The following PPP1R12A variants were observed in gnomAD, a reference collection of about 807,000 sequenced individuals.
PPP1R12A encodes the protein myosin binding subunit.
In PPP1R12A, 19 loss-of-function variants were observed where a neutral mutation model predicts 139.6. The ratio of observed to expected loss-of-function variants is 0.14; its 90% CI spans 0.09 to 0.20. The LOEUF is 0.20. Ranked by LOEUF, PPP1R12A falls within the 10% of genes least tolerant of loss-of-function variation. PPP1R12A has a pLI of 1.00. For synonymous variants in PPP1R12A, 427 were observed against 420.6 expected, an observed-to-expected ratio of 1.02 and a Z score of -0.19; for missense variants, 925 against 1,211.5, an observed-to-expected ratio of 0.76 and a Z score of 3.51.
intron 14 of PPP1R12A, among the ~76,000 whole-genome samples, chr12:79,804,311 T>C (rs1331885878): frequency 6.6e-6 from 1 of 152,004 alleles, no homozygotes; most frequent in Non-Finnish European, 1.5e-5. Context: ...CTTAAGTTTA[T>C]AGGAAAAAGG....
intron 1 of PPP1R12A, among the ~76,000 whole-genome samples, chr12:79,909,096 G>A (rs372655820): frequency 5.3e-4 from 81 of 152,290 alleles, no homozygotes; most frequent in African/African-American, 1.8e-3. Flanking sequence ...ATGGCATAGC[G>A]TTTGTGAGAA....
intron 2 of PPP1R12A, among the ~76,000 whole-genome samples, chr12:79,854,566 A>C (rs1484053578): frequency 6.6e-6 from 1 of 152,218 alleles, no homozygotes; most frequent in Non-Finnish European, 1.5e-5. Context: ...TAAAATGCAC[A>C]TTTGAAAAGT....
At chr12:79,896,493 A>C (rs1300462551) in intron 1 of PPP1R12A, among the ~76,000 whole-genome samples, 1 of 151,382 alleles carries the variant, frequency 6.6e-6, no homozygotes, top group Non-Finnish European at 1.5e-5. Flanking sequence ...CACCTTTCCC[A>C]GCTGATTTTT....
intron 1 of PPP1R12A, among the ~76,000 whole-genome samples, chr12:79,903,095 C>A (rs973572399): frequency 6.6e-6 from 1 of 152,034 alleles, no homozygotes; most frequent in Non-Finnish European, 1.5e-5. Context: ...ACTGAAATAG[C>A]GACACCTTTG....
chr12:79,896,389 A>G (rs1885134472), intron 1 of PPP1R12A, among the ~76,000 whole-genome samples: 1 of 152,156 alleles, frequency 6.6e-6, no homozygotes, highest in South Asian at 2.1e-4. Context: ...GCTGGAGTGC[A>G]GTGGCTCGAA....
chr12:79,809,286 G>A (rs1477129700), intron 10 of PPP1R12A, among the ~76,000 whole-genome samples: 1 of 152,036 alleles, frequency 6.6e-6, no homozygotes, highest in Non-Finnish European at 1.5e-5. Context: ...TACTAGTATT[G>A]AATAAACTGT....
At chr12:79,792,186 G>A (rs575600100) in intron 19 of PPP1R12A, among the ~76,000 whole-genome samples, 1 of 152,164 alleles carries the variant, frequency 6.6e-6, no homozygotes, top group South Asian at 2.1e-4. Context: ...ATTGATCTAT[G>A]CACATACATT....
At chr12:79,899,191 T>C (rs1028996872) in intron 1 of PPP1R12A, among the ~76,000 whole-genome samples, 2 of 149,956 alleles carry the variant, frequency 1.3e-5, no homozygotes, top group African/African-American at 2.4e-5. Flanking sequence ...TCATTTTCTT[T>C]TGATGCAAAA....
chr12:79,869,568 C>T (rs1452095078), intron 2 of PPP1R12A, among the ~76,000 whole-genome samples: 1 of 152,080 alleles, frequency 6.6e-6, no homozygotes, highest in East Asian at 1.9e-4. Context: ...GTAGAAGCTG[C>T]TCAAGTAATG....
At chr12:79,829,916 A>T (rs941612821) in intron 4 of PPP1R12A, among the ~76,000 whole-genome samples, 2 of 152,160 alleles carry the variant, frequency 1.3e-5, no homozygotes, top group Non-Finnish European at 2.9e-5. Flanking sequence ...CCAACTCTCA[A>T]GCATAGGTTC....
chr12:79,889,155 T>A (rs564806935), intron 1 of PPP1R12A, among the ~76,000 whole-genome samples: 2 of 152,350 alleles, frequency 1.3e-5, no homozygotes, highest in Non-Finnish European at 2.9e-5. Flanking sequence ...CTCTGACCAA[T>A]GTGATATATT....
chr12:79,916,916 T>TG (rs1887039756), intron 1 of PPP1R12A, among the ~76,000 whole-genome samples: 1 of 152,026 alleles, frequency 6.6e-6, no homozygotes, highest in Non-Finnish European at 1.5e-5. Flanking sequence ...TTTTTTTTTC[T>TG]GCTTGTTGTA....
At chr12:79,848,798 A>G (rs933645849) in intron 2 of PPP1R12A, 1 of 152,166 alleles carries the variant, frequency 6.6e-6, no homozygotes, top group African/African-American at 2.4e-5. Context: ...GGACTGATTA[A>G]TCCTATGGTG....
chr12:79,877,618 C>T (rs968661671), intron 1 of PPP1R12A, among the ~76,000 whole-genome samples: 2 of 152,158 alleles, frequency 1.3e-5, no homozygotes, highest in Non-Finnish European at 2.9e-5. Flanking sequence ...CGGGTTCAAC[C>T]GATCCTCTTG....
chr12:79,807,993 G>A (rs751815008), intron 11 of PPP1R12A, among the ~76,000 whole-genome samples: 2 of 151,434 alleles, frequency 1.3e-5, no homozygotes, highest in Non-Finnish European at 1.5e-5. Context: ...CCGAGATTGC[G>A]CCACTGCACT....
chr12:79,926,608 A>G (rs1887860123), intron 1 of PPP1R12A, among the ~76,000 whole-genome samples: 2 of 152,240 alleles, frequency 1.3e-5, no homozygotes, highest in African/African-American at 4.8e-5. Flanking sequence ...AGTGTGTTAC[A>G]CTTACCCAAT....
At chr12:79,779,265 T>C (rs781401775) in intron 23 of PPP1R12A, 47 of 1,235,018 alleles carry the variant, frequency 3.8e-5, no homozygotes, top group Middle Eastern at 2.2e-4. Flanking sequence ...TTCTGGGGTG[T>C]TATGCAAAAA....
intron 1 of PPP1R12A, among the ~76,000 whole-genome samples, chr12:79,883,663 A>G (rs576986050): frequency 1.3e-5 from 2 of 152,308 alleles, no homozygotes; most frequent in East Asian, 1.9e-4. Context: ...AAATGTGGGA[A>G]GAAAATGTCA....
intron 1 of PPP1R12A, among the ~76,000 whole-genome samples, chr12:79,914,305 C>T (rs983174967): frequency 2.0e-5 from 3 of 151,816 alleles, no homozygotes; most frequent in African/African-American, 7.3e-5. Flanking sequence ...CAAGATATCC[C>T]TTTGTCTAGT....
Sources: gnomAD v4.1 joint callset for allele counts (sites outside exome capture counted in the v4.1 genomes callset) on GRCh38, gnomAD v4.1.1 for gene constraint, MANE v1.5 for transcripts, NCBI Gene and HGNC (gene_info 2026-07-23, HGNC 2026-07-21) for gene names.